Variants in DGKB observed in about 807,000 individuals in gnomAD.
DGKB encodes 90 kDa diacylglycerol kinase.
Under a neutral mutation model 114.3 loss-of-function variants are expected in DGKB, and 67 were observed. That is an observed-to-expected ratio of 0.59 (90% confidence interval 0.48 to 0.72). DGKB has a LOEUF of 0.72. Among genes scored for constraint, DGKB ranks in the 30% least tolerant of loss-of-function variants. DGKB has a pLI of 0.00. For missense variants in DGKB, 907 were observed against 975.2 expected, an observed-to-expected ratio of 0.93 and a Z score of 0.93; for synonymous variants, 398 against 323.1, an observed-to-expected ratio of 1.23 and a Z score of -2.49.
intron 6 of DGKB, among the ~76,000 whole-genome samples, chr7:14,712,010 A>G (rs1391146159): frequency 6.6e-6 from 1 of 152,214 alleles, no homozygotes; most frequent in Admixed American, 6.5e-5. Flanking sequence ...AGTTTGGAAG[A>G]AAACAACAAA....
chr7:14,974,624 T>C (rs1204689235), intron 1 of DGKB: 1 of 152,106 alleles, frequency 6.6e-6, no homozygotes, highest in Non-Finnish European at 1.5e-5. Context: ...TATGTTATAA[T>C]GATAAAACCA....
chr7:14,932,766 G>A (rs2128251456), intron 1 of DGKB, among the ~76,000 whole-genome samples: 1 of 152,214 alleles, frequency 6.6e-6, no homozygotes, highest in Non-Finnish European at 1.5e-5. Context: ...GTATCATAAG[G>A]GTCACCAGAA....
intron 2 of DGKB, among the ~76,000 whole-genome samples, chr7:14,792,575 T>C (rs887563460): frequency 2.0e-5 from 3 of 152,120 alleles, no homozygotes; most frequent in East Asian, 1.9e-4. Context: ...AATATCTTCA[T>C]ACCTACAGTA....
At chr7:14,894,012 A>C (rs1405569185) in intron 1 of DGKB, among the ~76,000 whole-genome samples, 1 of 151,228 alleles carries the variant, frequency 6.6e-6, no homozygotes, top group African/African-American at 2.4e-5. Context: ...ATTTTAAGTG[A>C]ACATTTAAAT....
At chr7:14,678,219 G>C (rs1246151122) in intron 12 of DGKB, among the ~76,000 whole-genome samples, 1 of 152,042 alleles carries the variant, frequency 6.6e-6, no homozygotes, top group Non-Finnish European at 1.5e-5. Context: ...AAAAATGTGT[G>C]ACATGGACAA....
intron 2 of DGKB, among the ~76,000 whole-genome samples, chr7:14,831,912 C>T (rs1023566790): frequency 2.9e-4 from 44 of 151,812 alleles, no homozygotes; most frequent in Non-Finnish European, 1.8e-4. Flanking sequence ...ACATTTCTCA[C>T]ATAGTCTCAC....
chr7:14,574,574 T>A (rs1260940188), intron 19 of DGKB, among the ~76,000 whole-genome samples: 2 of 152,212 alleles, frequency 1.3e-5, no homozygotes, highest in African/African-American at 4.8e-5. Context: ...TGGTAACATG[T>A]ACTGTATTTC....
At chr7:14,603,740 A>G (rs1249551337) in intron 17 of DGKB, among the ~76,000 whole-genome samples, 2 of 152,144 alleles carry the variant, frequency 1.3e-5, no homozygotes, top group Non-Finnish European at 2.9e-5. Flanking sequence ...ACAATTAATT[A>G]TTCTTAATTA....
chr7:14,523,899 G>T (rs941502199), intron 20 of DGKB, among the ~76,000 whole-genome samples: 1 of 152,102 alleles, frequency 6.6e-6, no homozygotes, highest in African/African-American at 2.4e-5. Flanking sequence ...ATCTTATTGA[G>T]GGGTTACAGT....
chr7:14,745,942 A>T (rs925466207), intron 4 of DGKB, among the ~76,000 whole-genome samples: 2 of 152,190 alleles, frequency 1.3e-5, no homozygotes, highest in African/African-American at 4.8e-5. Context: ...CATGCAGGAA[A>T]ACTTTCTGAA....
At chr7:14,265,369 C>CTTAACA (rs940463137) in intron 23 of DGKB, among the ~76,000 whole-genome samples, 1 of 103,736 alleles carries the variant, frequency 9.6e-6, no homozygotes, top group Non-Finnish European at 1.7e-5. Context: ...TATTACCCAT[C>CTTAACA]TTAACATTAA....
At chr7:14,289,207 T>C (rs1801352988) in intron 23 of DGKB, among the ~76,000 whole-genome samples, 3 of 152,094 alleles carry the variant, frequency 2.0e-5, no homozygotes, top group Admixed American at 2.0e-4. Context: ...AATGTTGCAT[T>C]GGTGACTCGT....
At chr7:14,858,779 C>A (rs1482424530) in intron 1 of DGKB, among the ~76,000 whole-genome samples, 2 of 152,108 alleles carry the variant, frequency 1.3e-5, no homozygotes, top group African/African-American at 2.4e-5. Context: ...CAAAGTAAAT[C>A]ATCAAGGCAG....
At chr7:14,293,507 G>A (rs549763246) in intron 23 of DGKB, among the ~76,000 whole-genome samples, 5 of 152,140 alleles carry the variant, frequency 3.3e-5, no homozygotes, top group Middle Eastern at 6.8e-3. Flanking sequence ...AAACCACAAT[G>A]TAAAATGTAC....
intron 2 of DGKB, among the ~76,000 whole-genome samples, chr7:14,785,907 G>C (rs1256934326): frequency 7.8e-6 from 1 of 127,902 alleles, no homozygotes; most frequent in African/African-American, 3.4e-5. Flanking sequence ...TTTTTTTTTT[G>C]CAAGAGCTGT....
rs1426695435 is a variant in DGKB, at chr7:14,294,979, T to C, written c.2122+43536A>G. ...GAAAGGTTCCCGAAATTTTTCCAAATGGAGATGAACCAACAATTGAGGAAG... is the reference window on the plus strand; with the variant it reads ...GAAAGGTTCCCGAAATTTTTCCAAACGGAGATGAACCAACAATTGAGGAAG... On this transcript the variant is annotated intron_variant, in intron 23 of 25. Coordinates refer to ENST00000402815, the MANE Select transcript of DGKB (RefSeq NM_001350709.2). 2.0e-5 allele frequency among the ~76,000 whole-genome samples: 3 copies of C among 152,118 alleles called. No individual in the cohort carries two copies. In the East Asian group the frequency reaches 5.8e-4, roughly 29 times the overall value.
intron 23 of DGKB, among the ~76,000 whole-genome samples, chr7:14,332,252 A>G (rs1217166773): frequency 1.3e-5 from 2 of 152,176 alleles, no homozygotes; most frequent in Non-Finnish European, 1.5e-5. Flanking sequence ...CTTTGTGCCC[A>G]TTTTAGAGAT....
At chr7:14,832,471 G>A (rs575546029) in intron 2 of DGKB, among the ~76,000 whole-genome samples, 1 of 151,794 alleles carries the variant, frequency 6.6e-6, no homozygotes, top group Non-Finnish European at 1.5e-5. Flanking sequence ...TAGCTTACAT[G>A]TGTTCTCTCT....
At position 14,498,941 on chromosome 7, in the gene DGKB, A is replaced by T. The variant is rs539241920; in HGVS notation, c.1771-20716T>A. Among the ~76,000 whole-genome samples, 3 of 151,806 alleles carry T rather than the reference A, an allele frequency of 2.0e-5. No individual in the cohort carries two copies. In the East Asian group the frequency reaches 5.8e-4, roughly 29 times the overall value. On this transcript the variant is annotated intron_variant, in intron 20 of 25. Coordinates refer to ENST00000402815, the MANE Select transcript of DGKB (RefSeq NM_001350709.2). ...TGGGTTTTGAGGATGAAGAAAAGAC[A>T]TTGTGTGTAAACATGAAGGATTTTG... is the stretch of plus-strand genomic sequence containing the variant.
Sources: allele counts gnomAD v4.1 joint callset (sites outside exome capture counted in the v4.1 genomes callset), GRCh38; gene constraint gnomAD v4.1.1; transcripts MANE v1.5; gene names NCBI Gene and HGNC (gene_info 2026-07-23, HGNC 2026-07-21).